The following ZBTB20 variants were observed in gnomAD, a reference collection of about 807,000 sequenced individuals.
The protein encoded by ZBTB20 is zinc finger and BTB domain containing 20.
A neutral mutation model predicts 56.9 loss-of-function variants in ZBTB20; 9 were observed. That is an observed-to-expected ratio of 0.16 (90% CI 0.10 to 0.28). The LOEUF (loss-of-function observed/expected upper bound fraction) is 0.28, where lower values mean the gene tolerates loss of function less well. ZBTB20 is among the 10% of genes least tolerant of loss of function. The pLI is 1.00. For synonymous variants in ZBTB20, 417 were observed against 420.7 expected, an observed-to-expected ratio of 0.99 and a Z score of 0.11; for missense variants, 655 against 1,003.0, an observed-to-expected ratio of 0.65 and a Z score of 4.69.
chr3:114,677,864 C>T (rs76105582), intron 6 of ZBTB20, among the ~76,000 whole-genome samples: 5,084 of 152,268 alleles, frequency 0.033, 281 homozygotes, highest in African/African-American at 0.11. Flanking sequence ...TCTGCCTACT[C>T]TTTCTTATTC....
intron 4 of ZBTB20, among the ~76,000 whole-genome samples, chr3:114,836,188 T>G (rs2074110809): frequency 1.3e-5 from 2 of 152,186 alleles, no homozygotes; most frequent in South Asian, 2.1e-4. Context: ...ATATGTGTGT[T>G]TTAATAAATT....
At chr3:114,434,271 T>A (rs1273834014) in intron 7 of ZBTB20, among the ~76,000 whole-genome samples, 1 of 152,094 alleles carries the variant, frequency 6.6e-6, no homozygotes, top group African/African-American at 2.4e-5. Context: ...GGTATCAAAA[T>A]GTCTTTCAAA....
At chr3:115,090,474 T>C (rs1159516178) in intron 1 of ZBTB20, among the ~76,000 whole-genome samples, 2 of 151,626 alleles carry the variant, frequency 1.3e-5, no homozygotes, top group Admixed American at 1.3e-4. Flanking sequence ...AGTTTTAGGG[T>C]AAGTATTATC....
chr3:114,626,783 T>C (rs1400527868), intron 6 of ZBTB20, among the ~76,000 whole-genome samples: 43 of 152,122 alleles, frequency 2.8e-4, no homozygotes, highest in Admixed American at 2.8e-3. Context: ...AGGATAAAAG[T>C]GTTATTGGCC....
chr3:114,440,009 A>G (rs2090805401), intron 7 of ZBTB20, among the ~76,000 whole-genome samples: 1 of 152,160 alleles, frequency 6.6e-6, no homozygotes, highest in South Asian at 2.1e-4. Flanking sequence ...TAGATTTCAA[A>G]AGTCTTCCAT....
rs571946572 is a variant in ZBTB20 at position 114,897,939 on chromosome 3, GATCT to G, written c.-417+2361_-417+2364del. Reference sequence around the variant, plus strand: ...GCCACACAAAACGGAACATTAGAATGATCTATCTAAAGCAAGTCTTAACTGTTCT... The same window carrying G: ...GCCACACAAAACGGAACATTAGAATGATCTAAAGCAAGTCTTAACTGTTCT... On this transcript the variant is annotated intron_variant, in intron 4 of 11. Coordinates refer to ENST00000675478, the MANE Select transcript of ZBTB20 (RefSeq NM_001348800.3). 2.4e-3 allele frequency among the ~76,000 whole-genome samples: 371 copies of G among 152,236 alleles called. 1 individual carries two copies. Among genetic ancestry groups the G allele is most frequent in the African/African-American group, 8.5e-3 (352 of 41,568 alleles).
At chr3:114,748,334 C>CTTTCTTTCTTTCTTCT (rs762103705) in intron 5 of ZBTB20, among the ~76,000 whole-genome samples, 14 of 57,210 alleles carry the variant, frequency 2.4e-4, no homozygotes, top group Non-Finnish European at 4.2e-4. Flanking sequence ...TTCTTTCTTT[C>CTTTCTTTCTTTCTTCT]TTCTTTCTTT....
At chr3:114,398,345 G>A (rs749575789) in intron 7 of ZBTB20, among the ~76,000 whole-genome samples, 10 of 152,048 alleles carry the variant, frequency 6.6e-5, no homozygotes, top group Admixed American at 2.0e-4. Context: ...CCATGTCATC[G>A]GTTAATATAA....
intron 2 of ZBTB20, among the ~76,000 whole-genome samples, chr3:115,054,480 T>C (rs1281783358): frequency 6.6e-6 from 1 of 152,124 alleles, no homozygotes; most frequent in Non-Finnish European, 1.5e-5. Flanking sequence ...ACTTACTCAG[T>C]AGCAGCATTA....
intron 6 of ZBTB20, among the ~76,000 whole-genome samples, chr3:114,550,939 C>T (rs544612064): frequency 2.6e-5 from 4 of 152,160 alleles, no homozygotes; most frequent in East Asian, 1.9e-4. Context: ...TTAGCAGAGA[C>T]GGGGTTTTGC....
intron 2 of ZBTB20, among the ~76,000 whole-genome samples, chr3:115,015,352 C>A (rs1418669247): frequency 6.6e-6 from 1 of 151,622 alleles, no homozygotes; most frequent in Admixed American, 6.6e-5. Context: ...GCAGGATGTG[C>A]AAGTTTGTTA....
chr3:114,482,093 A>G (rs532331001), intron 7 of ZBTB20, among the ~76,000 whole-genome samples: 1 of 152,274 alleles, frequency 6.6e-6, no homozygotes, highest in East Asian at 1.9e-4. Context: ...GGGGGTGTCT[A>G]GGACTATGGA....
chr3:114,557,922 T>C (rs977514101), intron 6 of ZBTB20, among the ~76,000 whole-genome samples: 1 of 152,064 alleles, frequency 6.6e-6, no homozygotes, highest in Non-Finnish European at 1.5e-5. Flanking sequence ...GTATTTCAGT[T>C]GGTTGACAAG....
chr3:114,719,542 C>A (rs1380593864), intron 5 of ZBTB20, among the ~76,000 whole-genome samples: 1 of 151,980 alleles, frequency 6.6e-6, no homozygotes, highest in Admixed American at 6.6e-5. Flanking sequence ...TGTCTCCCTC[C>A]AGTATTGGGT....
intron 2 of ZBTB20, among the ~76,000 whole-genome samples, chr3:115,014,976 C>T (rs2079884884): frequency 6.6e-6 from 1 of 151,678 alleles, no homozygotes; most frequent in Admixed American, 6.6e-5. Context: ...CGCTGAAAAC[C>T]TTATTGACTG....
intron 6 of ZBTB20, among the ~76,000 whole-genome samples, chr3:114,649,538 A>T (rs1442181929): frequency 6.6e-6 from 1 of 152,022 alleles, no homozygotes; most frequent in Non-Finnish European, 1.5e-5. Flanking sequence ...GTACTTCATC[A>T]GGATGTACTT....
intron 2 of ZBTB20, among the ~76,000 whole-genome samples, chr3:115,051,846 G>A (rs967120655): frequency 5.4e-4 from 82 of 152,250 alleles, no homozygotes; most frequent in Middle Eastern, 3.4e-3. Context: ...AAGCATGCCT[G>A]GGGGGCCTCA....
intron 6 of ZBTB20, among the ~76,000 whole-genome samples, chr3:114,647,927 T>C (rs1192052687): frequency 6.6e-6 from 1 of 152,170 alleles, no homozygotes; most frequent in African/African-American, 2.4e-5. Context: ...AATCTCCAAC[T>C]TCTGTCATTG....
chr3:115,054,541 A>C (rs2081681737), intron 2 of ZBTB20, among the ~76,000 whole-genome samples: 1 of 152,130 alleles, frequency 6.6e-6, no homozygotes, highest in Non-Finnish European at 1.5e-5. Flanking sequence ...AGAACACTAC[A>C]GCATGTTCTA....
Sources: allele counts gnomAD v4.1 joint callset (sites outside exome capture counted in the v4.1 genomes callset), GRCh38; gene constraint gnomAD v4.1.1; transcripts MANE v1.5; gene names NCBI Gene and HGNC (gene_info 2026-07-23, HGNC 2026-07-21).